The following RCOR1 variants were observed in gnomAD, a reference collection of about 807,000 sequenced individuals.
The protein encoded by RCOR1 is REST corepressor 1.
In RCOR1, 12 loss-of-function variants were observed where a neutral mutation model predicts 64.0. The observed-to-expected ratio is 0.19, with a 90% CI of 0.12 to 0.30. The LOEUF is 0.30. Among genes scored for constraint, RCOR1 ranks in the 10% least tolerant of loss-of-function variants. The probability of loss-of-function intolerance (pLI) is 1.00; values close to 1 mark genes in which losing one functional copy is unlikely to be tolerated. For synonymous variants in RCOR1, 279 were observed against 227.2 expected (o/e 1.23, Z -2.05); for missense variants, 502 against 621.2 (o/e 0.81, Z 2.04).
In RCOR1 at chr14:102,600,277, T is replaced by C. The variant is rs188000199; in HGVS notation, c.361+6952T>C. Among the ~76,000 whole-genome samples, 3 of 151,712 alleles carry C rather than the reference T, an allele frequency of 2.0e-5. 1 individual carries two copies. Among genetic ancestry groups the C allele is most frequent in the Non-Finnish European group, 2.9e-5 (2 of 67,944 alleles). On this transcript the variant is annotated intron_variant, in intron 2 of 11. Coordinates refer to ENST00000262241, the MANE Select transcript of RCOR1 (RefSeq NM_015156.4). ...TAATTTTTTATATTTTTAGTAGAGATGGGGTTTCACCGTGGTCTTGATCTC... is the reference window on the plus strand; with the variant it reads ...TAATTTTTTATATTTTTAGTAGAGACGGGGTTTCACCGTGGTCTTGATCTC...
rs11380772 is a variant in RCOR1, at chr14:102,727,281, A to ACCCCCCCCCCCCC, written c.*783_*784insCCCCCCCCCCCCC. The ACCCCCCCCCCCCC allele has an allele frequency of 1.3e-4, 15 of 118,278 alleles. No individual in the cohort carries two copies. The highest frequency in any genetic ancestry group is 1.2e-4 in the Non-Finnish European group (7 of 56,724). 7.3% of individuals were successfully genotyped at this position (118,278 alleles called of 1,614,324 possible). ...GTGGTTGCCACCCCATCTTTTCCTG[A>ACCCCCCCCCCCCC]CCCCCCCCACCCCCCCACCTCCAAG... On this transcript the variant is annotated 3_prime_UTR_variant, in exon 12 of 12. Transcript: ENST00000262241.
intron 3 of RCOR1, among the ~76,000 whole-genome samples, chr14:102,682,449 A>G (rs1895326781): frequency 6.6e-6 from 1 of 152,208 alleles, no homozygotes; most frequent in African/African-American, 2.4e-5. Flanking sequence ...ATTTTTGAAC[A>G]TGTTCTTTCT....
chr14:102,711,616 C>T (rs1895960443), intron 7 of RCOR1, among the ~76,000 whole-genome samples: 1 of 152,150 alleles, frequency 6.6e-6, no homozygotes, highest in African/African-American at 2.4e-5. Flanking sequence ...TACATAGGTT[C>T]ATAGAGGTAT....
At chr14:102,718,569 G>A (rs1420913293) in intron 8 of RCOR1, among the ~76,000 whole-genome samples, 1 of 140,216 alleles carries the variant, frequency 7.1e-6, no homozygotes, top group Non-Finnish European at 1.6e-5. Context: ...AGAAAGTTCT[G>A]TATGACTGAG....
At chr14:102,593,355 G>T (rs2139871023) in intron 2 of RCOR1, 30 bp downstream of exon 2, 2 of 1,504,716 alleles carry the variant, frequency 1.3e-6, no homozygotes, top group East Asian at 2.7e-5. Flanking sequence ...GGCCGGCGGC[G>T]GGGATGAGCG....
At chr14:102,701,414 A>T in intron 4 of RCOR1, 84 bp downstream of exon 4, 1 of 1,061,144 alleles carries the variant, frequency 9.4e-7, no homozygotes, top group East Asian at 2.8e-5. Context: ...CTTTGTATTG[A>T]GTAGCAGTGT....
At chr14:102,657,210 C>T (rs1169271764) in intron 2 of RCOR1, 2 of 984,942 alleles carry the variant, frequency 2.0e-6, no homozygotes, top group Non-Finnish European at 1.2e-6. Flanking sequence ...TTGTGCCTCA[C>T]GGTGCTGGAT....
chr14:102,717,184 G>A (rs558594929), intron 8 of RCOR1, among the ~76,000 whole-genome samples: 1 of 152,302 alleles, frequency 6.6e-6, no homozygotes, highest in Non-Finnish European at 1.5e-5. Context: ...ATTCAACCTA[G>A]TAGTTGGGTC....
rs11407477 is a variant in RCOR1 at position 102,669,309 on chromosome 14, G to GAAA, written c.362-12574_362-12572dup. Among the ~76,000 whole-genome samples, 1,001 of 132,258 alleles carry GAAA rather than the reference G, an allele frequency of 7.6e-3. 11 individuals are homozygous for GAAA. Among genetic ancestry groups the GAAA allele is most frequent in the African/African-American group, 0.026 (959 of 36,842 alleles). 86.8% of individuals were successfully genotyped at this position (132,258 alleles called of 152,430 possible). ...AGGCAACAAGAGTGAAACTCGGTCT[G>GAAA]AAAAAAAAAAAAAAGAGAAAAGAAA... is the stretch of plus-strand genomic sequence containing the variant. On this transcript the variant is annotated intron_variant, in intron 2 of 11. Coordinates refer to ENST00000262241, the MANE Select transcript of RCOR1 (RefSeq NM_015156.4).
chr14:102,717,333 C>G (rs973850426), intron 8 of RCOR1, among the ~76,000 whole-genome samples: 2 of 152,226 alleles, frequency 1.3e-5, no homozygotes, highest in Non-Finnish European at 2.9e-5. Flanking sequence ...CAACTGTCAT[C>G]TCATAGACGC....
chr14:102,683,649 C>T (rs1455458414), intron 3 of RCOR1, among the ~76,000 whole-genome samples: 1 of 152,214 alleles, frequency 6.6e-6, no homozygotes, highest in African/African-American at 2.4e-5. Context: ...CCAAGCTCTC[C>T]TCTGGGGGCG....
chr14:102,601,408 A>G (rs952418474), intron 2 of RCOR1, among the ~76,000 whole-genome samples: 1 of 152,176 alleles, frequency 6.6e-6, no homozygotes, highest in South Asian at 2.1e-4. Context: ...GGTTTATATT[A>G]TTTCTGTGAT....
chr14:102,654,678 C>T (rs1894684524), intron 2 of RCOR1, among the ~76,000 whole-genome samples: 1 of 147,388 alleles, frequency 6.8e-6, no homozygotes, highest in Admixed American at 6.9e-5. Flanking sequence ...CCAGCCTGGG[C>T]AAGATAGTGA....
chr14:102,714,465 C>T lies in RCOR1; in HGVS notation c.901C>T (p.His301Tyr), dbSNP rs1896024786. ...AGTTCCTCAGGTCAAAAAAGAAAAA[C>T]ATAGCACACAAGCTAAAAATAGAGC... is the stretch of plus-strand genomic sequence containing the variant. The part of the protein sequence containing the change: ...ETVPQVKKEK[H>Y]STQAKNRAKR... Residue 301 changes from histidine to tyrosine, a missense_variant, in exon 8 of 12, where the codon CAT becomes TAT. His to Tyr is a moderately conservative substitution (Grantham distance 83). Coordinates refer to ENST00000262241, the MANE Select transcript of RCOR1 (RefSeq NM_015156.4). 1 of 1,612,910 alleles carries T rather than the reference C, an allele frequency of 6.2e-7. No homozygotes were observed. Among genetic ancestry groups the T allele is most frequent in the Non-Finnish European group, 8.5e-7 (1 of 1,179,368 alleles).
At chr14:102,693,590 GCCT>G (rs1325239484) in intron 3 of RCOR1, among the ~76,000 whole-genome samples, 55 of 151,468 alleles carry the variant, frequency 3.6e-4, no homozygotes, top group Admixed American at 3.5e-3. Flanking sequence ...AGGCAGGAGA[GCCT>G]GCCCTCTCAT....
rs918910641 is a variant in RCOR1 at position 102,592,866 on chromosome 14, G to A, written c.-21G>A. The A allele has an allele frequency of 8.4e-7, 1 of 1,183,920 alleles. No individual in the cohort carries two copies. The highest frequency in any genetic ancestry group is 1.0e-6 in the Non-Finnish European group (1 of 959,498). The allele number at this position is 1,183,920 out of a possible 1,614,324, so 73.3% of individuals were successfully genotyped here. A position where few individuals can be genotyped will look rare whatever the true frequency, so the allele number is the denominator to read the frequency against. The stretch of plus-strand genomic sequence containing the variant: ...GGAGCCGCGGGTCCCCGCCACTTTC[G>A]CACGGCCCCGGCCCCCGCCGATGCC... On this transcript the variant is annotated 5_prime_UTR_variant, in exon 1 of 12. Transcript: ENST00000262241.
chr14:102,622,811 G>A (rs1893902304), intron 2 of RCOR1, among the ~76,000 whole-genome samples: 2 of 151,770 alleles, frequency 1.3e-5, no homozygotes, highest in Non-Finnish European at 2.9e-5. Context: ...TTTTCTTCTC[G>A]CCTCCCTAAA....
intron 2 of RCOR1, among the ~76,000 whole-genome samples, chr14:102,605,772 A>C (rs1352731963): frequency 1.3e-5 from 2 of 152,162 alleles, no homozygotes; most frequent in Non-Finnish European, 2.9e-5. Context: ...GAGGTATTCC[A>C]GAAGGAAGGC....
chr14:102,693,509 A>T (rs907711943), intron 3 of RCOR1, among the ~76,000 whole-genome samples: 4 of 152,218 alleles, frequency 2.6e-5, no homozygotes, highest in Non-Finnish European at 5.9e-5. Context: ...GATGAAGAAT[A>T]GAAAACCCTC....
Sources: allele counts gnomAD v4.1 joint callset (sites outside exome capture counted in the v4.1 genomes callset), GRCh38; gene constraint gnomAD v4.1.1; transcripts MANE v1.5; gene names NCBI Gene and HGNC (gene_info 2026-07-23, HGNC 2026-07-21).